The following PPOX variants were observed in gnomAD, a reference collection of about 807,000 sequenced individuals.
The protein encoded by PPOX is variegate porphyria.
A neutral mutation model predicts 54.1 loss-of-function variants in PPOX; 23 were observed. That is an observed-to-expected ratio of 0.43 (90% CI 0.31 to 0.60). PPOX has a LOEUF of 0.60. PPOX is among the 20% of genes least tolerant of loss of function. PPOX has a pLI of 0.13. For synonymous variants in PPOX, 224 were observed against 236.1 expected (o/e 0.95, Z 0.47); for missense variants, 512 against 601.1 (o/e 0.85, Z 1.55).
chr1:161,173,539 A>G (rs1662279126), downstream of PPOX: 3 of 1,609,088 alleles, frequency 1.9e-6, no homozygotes, highest in Non-Finnish European at 1.7e-6. Context: ...GCTATGGTCA[A>G]AGGTGGTCTT....
chr1:161,167,884 CCT>C, intron 4 of PPOX, 109 bp from the exon 5 acceptor site: 1 of 1,548,636 alleles, frequency 6.5e-7, no homozygotes, highest in Non-Finnish European at 8.9e-7. Flanking sequence ...TCTTCATCTC[CCT>C]GTCAGCCTTC....
Position 161,166,521 on chromosome 1 carries a change from A to G in PPOX, c.-160A>G. The G allele has an allele frequency of 7.4e-7, 1 of 1,351,058 alleles. No homozygotes were observed. The highest frequency in any genetic ancestry group is 9.6e-7 in the Non-Finnish European group (1 of 1,046,392). 83.7% of individuals were successfully genotyped at this position (1,351,058 alleles called of 1,614,324 possible). On this transcript the variant is annotated 5_prime_UTR_variant, in exon 1 of 13. Coordinates refer to ENST00000367999, the MANE Select transcript of PPOX (RefSeq NM_001122764.3). Reference sequence around the variant, plus strand: ...AGAGGTGTGGCAAGCAGAGCACCTCAGAACTCAGGCGTACTGCCCGCCGCC... The same window carrying G: ...AGAGGTGTGGCAAGCAGAGCACCTCGGAACTCAGGCGTACTGCCCGCCGCC...
intron 9 of PPOX, 88 bp from the exon 10 acceptor site, chr1:161,170,321 T>TGGGGGGGCCCCCCCCCC: frequency 2.7e-6 from 1 of 367,766 alleles, no homozygotes; most frequent in Non-Finnish European, 5.3e-6. Context: ...TGAGACTCTG[T>TGGGGGGGCCCCCCCCCC]CCCCCCCACC....
chr1:161,171,583 A>T, downstream of PPOX: 1 of 623,130 alleles, frequency 1.6e-6, no homozygotes, highest in South Asian at 2.0e-5. Context: ...ACATAAAATC[A>T]TGACATCAAG....
downstream of PPOX, chr1:161,175,889 G>A (rs763456046): frequency 4.3e-6 from 7 of 1,614,184 alleles, no homozygotes; most frequent in Non-Finnish European, 5.1e-6. Context: ...AGGTGACTGA[G>A]GTTACTGTAG....
At chr1:161,166,069 T>C (rs1658786383), upstream of PPOX, 1 of 983,924 alleles carries the variant, frequency 1.0e-6, no homozygotes, top group East Asian at 1.1e-4. Flanking sequence ...GAGCTGTTTA[T>C]GGAGCCGCCT....
chr1:161,168,253 C>T lies in PPOX; in HGVS notation c.471+126C>T, dbSNP rs115475285. 3 of 1,545,738 alleles carry T rather than the reference C, an allele frequency of 1.9e-6. No homozygotes were observed. The Admixed American group carries it at 5.2e-5, about 27-fold the overall frequency. On this transcript the variant is annotated intron_variant, in intron 5 of 12. Transcript: ENST00000367999. The stretch of plus-strand genomic sequence containing the variant: ...GATGCCCTCTTCTCTTCATACCCCA[C>T]CCCCTCATAATTCCCAAAACTCATT...
Position 161,168,669 on chromosome 1 carries a change from C to T in PPOX, c.616+93C>T, listed in dbSNP as rs187007091. Reference sequence around the variant, plus strand: ...GGTGCTATTCAATGATTCTTTTTTTCTTTTTTGAGACGGAGTCTTGCTCTG... The same window carrying T: ...GGTGCTATTCAATGATTCTTTTTTTTTTTTTTGAGACGGAGTCTTGCTCTG... On this transcript the variant is annotated intron_variant, in intron 6 of 12. Transcript: ENST00000367999. The T allele has an allele frequency of 1.0e-4, 154 of 1,517,100 alleles. No homozygotes were observed. In the African/African-American group the frequency reaches 1.7e-3, roughly 17 times the overall value. The allele number at this position is 1,517,100 out of a possible 1,614,324, so 94.0% of individuals were successfully genotyped here.
At chr1:161,175,081 C>T (rs780107417), downstream of PPOX, 10 of 1,613,908 alleles carry the variant, frequency 6.2e-6, no homozygotes, top group South Asian at 1.1e-5. Flanking sequence ...GTGGTGCTCC[C>T]GGGCACGATG....
chr1:161,165,799 T>G, upstream of PPOX: 2 of 189,476 alleles, frequency 1.1e-5, no homozygotes, highest in Non-Finnish European at 1.1e-5. Flanking sequence ...GGGACCCAAG[T>G]TCCCTCTCTA....
intron 9 of PPOX, 131 bp from the exon 10 acceptor site, chr1:161,170,278 T>G: frequency 1.1e-6 from 1 of 887,786 alleles, no homozygotes; most frequent in Non-Finnish European, 1.8e-6. Flanking sequence ...TGAGCTGAGA[T>G]CTCGCCATTA....
At chr1:161,176,715 C>T (rs1300824059) in intron 4 of PPOX, 6 of 689,348 alleles carry the variant, frequency 8.7e-6, no homozygotes, top group Non-Finnish European at 1.2e-5. Flanking sequence ...ATGGTAGGTC[C>T]CTCGCCTATC....
At chr1:161,175,737 T>C (rs1663255542), downstream of PPOX, 1 of 1,577,836 alleles carries the variant, frequency 6.3e-7, no homozygotes. Context: ...ACTCCATGCC[T>C]CCCTATCCCC....
downstream of PPOX, among the ~76,000 whole-genome samples, chr1:161,175,618 C>T (rs1210501474): frequency 6.6e-6 from 1 of 152,144 alleles, no homozygotes; most frequent in East Asian, 1.9e-4. Flanking sequence ...ATAGTCTAAT[C>T]TAAACTCCCA....
upstream of PPOX, chr1:161,166,144 C>A: frequency 1.0e-6 from 1 of 985,272 alleles, no homozygotes; most frequent in Non-Finnish European, 1.2e-6. Context: ...TGCGGCCTTC[C>A]CTCTAGGGTT....
chr1:161,175,422 T>C (rs1390320882), downstream of PPOX, among the ~76,000 whole-genome samples: 1 of 152,102 alleles, frequency 6.6e-6, no homozygotes, highest in Non-Finnish European at 1.5e-5. Flanking sequence ...GCAGGATCCT[T>C]ACCTAGCCTT....
chr1:161,173,384 C>T (rs1323808115), downstream of PPOX, among the ~76,000 whole-genome samples: 1 of 152,216 alleles, frequency 6.6e-6, no homozygotes, highest in African/African-American at 2.4e-5. Flanking sequence ...GATCTTATGT[C>T]CTCTCCCAAG....
Position 161,168,581 on chromosome 1 carries a change from G to T in PPOX, c.616+5G>T. ...TGGGCCTGCTGCTGGGGGCAGGTGA[G>T]GGGGGATTGATTCAGAGGGTGAAAA... On this transcript the variant is annotated splice_donor_5th_base_variant and intron_variant, in intron 6 of 12. Transcript: ENST00000367999. 6.2e-7 allele frequency: 1 copy of T among 1,613,814 alleles called. No individual in the cohort carries two copies. The highest frequency in any genetic ancestry group is 8.5e-7 in the Non-Finnish European group (1 of 1,179,844).
chr1:161,166,129 G>A, upstream of PPOX: 1 of 985,360 alleles, frequency 1.0e-6, no homozygotes, highest in Non-Finnish European at 1.2e-6. Flanking sequence ...TACGACCAAA[G>A]CTCCTGCGGC....
Sources: gnomAD v4.1 joint callset for allele counts (sites outside exome capture counted in the v4.1 genomes callset) on GRCh38, gnomAD v4.1.1 for gene constraint, MANE v1.5 for transcripts, NCBI Gene and HGNC (gene_info 2026-07-23, HGNC 2026-07-21) for gene names.